Variants in ATXN7L1 observed in about 807,000 individuals in gnomAD.
The protein encoded by ATXN7L1 is ataxin-7-like protein 1.
A neutral mutation model predicts 70.8 loss-of-function variants in ATXN7L1; 15 were observed. The ratio of observed to expected loss-of-function variants is 0.21; its 90% CI spans 0.14 to 0.33. The LOEUF (loss-of-function observed/expected upper bound fraction) is 0.33. Ranked by LOEUF, ATXN7L1 falls within the 10% of genes least tolerant of loss-of-function variation. The probability of loss-of-function intolerance (pLI) is 1.00; values close to 1 mark genes in which losing one functional copy is unlikely to be tolerated. For synonymous variants in ATXN7L1, 440 were observed against 445.1 expected (o/e 0.99, Z 0.14); for missense variants, 975 against 1,097.1 (o/e 0.89, Z 1.57).
intron 3 of ATXN7L1, among the ~76,000 whole-genome samples, chr7:105,767,154 G>T (rs1801379766): frequency 6.6e-6 from 1 of 152,144 alleles, no homozygotes; most frequent in Non-Finnish European, 1.5e-5. Context: ...ATCAGTAAAT[G>T]ACCCTAGAAA....
intron 2 of ATXN7L1, among the ~76,000 whole-genome samples, chr7:105,803,701 G>A (rs944668745): frequency 6.6e-6 from 1 of 152,212 alleles, no homozygotes; most frequent in Non-Finnish European, 1.5e-5. Flanking sequence ...GCAAGAATCT[G>A]CATTTTGGAA....
chr7:105,687,692 T>C (rs1251288337), intron 3 of ATXN7L1, among the ~76,000 whole-genome samples: 1 of 152,146 alleles, frequency 6.6e-6, no homozygotes, highest in South Asian at 2.1e-4. Flanking sequence ...CTAAAAACCA[T>C]GCAAGTTCAC....
chr7:105,863,914 TAC>T (rs35632276), intron 2 of ATXN7L1, among the ~76,000 whole-genome samples: 61,081 of 151,650 alleles, frequency 0.4, 12,890 homozygotes, highest in Non-Finnish European at 0.45. Context: ...GCCCAAAAGG[TAC>T]CAGAAAAATA....
intron 2 of ATXN7L1, chr7:105,875,344 T>G (rs1381019831): frequency 6.3e-6 from 1 of 159,434 alleles, no homozygotes; most frequent in Non-Finnish European, 1.4e-5. Context: ...AAATGTAACT[T>G]GCTGCAAAGG....
intron 3 of ATXN7L1, among the ~76,000 whole-genome samples, chr7:105,774,796 T>C (rs1197929120): frequency 6.6e-6 from 1 of 152,096 alleles, no homozygotes; most frequent in African/African-American, 2.4e-5. Flanking sequence ...CAGCCACTTA[T>C]AAAGATGAGC....
At chr7:105,687,159 C>A (rs184245327) in intron 3 of ATXN7L1, among the ~76,000 whole-genome samples, 2 of 152,266 alleles carry the variant, frequency 1.3e-5, no homozygotes, top group African/African-American at 4.8e-5. Flanking sequence ...TGACTATGCA[C>A]CCACACAGAG....
chr7:105,840,203 G>A (rs543676989), intron 2 of ATXN7L1, among the ~76,000 whole-genome samples: 5 of 152,222 alleles, frequency 3.3e-5, no homozygotes, highest in African/African-American at 1.2e-4. Context: ...ATGAGTGTAG[G>A]AGCAGAGTGA....
At chr7:105,640,910 A>G (rs1798078501) in intron 5 of ATXN7L1, among the ~76,000 whole-genome samples, 1 of 152,234 alleles carries the variant, frequency 6.6e-6, no homozygotes, top group African/African-American at 2.4e-5. Flanking sequence ...GGGTGTACAG[A>G]AATTGGTGGT....
intron 3 of ATXN7L1, among the ~76,000 whole-genome samples, chr7:105,742,319 C>T (rs116920527): frequency 1.3e-5 from 2 of 152,328 alleles, no homozygotes; most frequent in East Asian, 1.9e-4. Flanking sequence ...AATATGCCTG[C>T]ATCGGAGCAA....
intron 3 of ATXN7L1, among the ~76,000 whole-genome samples, chr7:105,776,375 G>A (rs1802722792): frequency 6.6e-6 from 1 of 152,004 alleles, no homozygotes; most frequent in Non-Finnish European, 1.5e-5. Context: ...GATTGTACTT[G>A]CTTACATGTG....
chr7:105,685,202 C>T (rs1290316284), intron 3 of ATXN7L1, among the ~76,000 whole-genome samples: 3 of 152,162 alleles, frequency 2.0e-5, no homozygotes, highest in African/African-American at 4.8e-5. Flanking sequence ...GTCCAAATCC[C>T]GGCTCTCCTT....
At chr7:105,641,962 T>G (rs1798322764) in intron 5 of ATXN7L1, among the ~76,000 whole-genome samples, 1 of 152,204 alleles carries the variant, frequency 6.6e-6, no homozygotes, top group Non-Finnish European at 1.5e-5. Context: ...AAAATCAAGC[T>G]TAACCCGAGG....
intron 2 of ATXN7L1, among the ~76,000 whole-genome samples, chr7:105,812,293 T>C (rs972034573): frequency 6.6e-6 from 1 of 152,182 alleles, no homozygotes; most frequent in Non-Finnish European, 1.5e-5. Flanking sequence ...AACACTAAGT[T>C]TGGAGTCAAC....
Position 105,845,356 on chromosome 7 carries a change from C to T in ATXN7L1, c.250+30456G>A, listed in dbSNP as rs554303805. Among the ~76,000 whole-genome samples, 9 of 151,722 alleles carry T rather than the reference C, an allele frequency of 5.9e-5. No individual in the cohort carries two copies. In the South Asian group the frequency reaches 8.3e-4, roughly 14 times the overall value. On this transcript the variant is annotated intron_variant, in intron 2 of 11. Transcript: ENST00000419735. ...TAAGTTTAGCCAAAGAGATGTAAGA[C>T]TTGTACATGGAAACTATAAATACAG...
intron 3 of ATXN7L1, among the ~76,000 whole-genome samples, chr7:105,734,880 A>C (rs1229791773): frequency 6.6e-6 from 1 of 152,134 alleles, no homozygotes; most frequent in Non-Finnish European, 1.5e-5. Flanking sequence ...GCAAAGAGAG[A>C]ATACCTATTA....
At chr7:105,631,206 T>C (rs576983380) in intron 7 of ATXN7L1, among the ~76,000 whole-genome samples, 42 of 152,250 alleles carry the variant, frequency 2.8e-4, no homozygotes, top group African/African-American at 9.9e-4. Flanking sequence ...GATACAAGCA[T>C]ATGAGATTTT....
At chr7:105,796,285 C>A (rs1805976532) in intron 2 of ATXN7L1, among the ~76,000 whole-genome samples, 1 of 152,184 alleles carries the variant, frequency 6.6e-6, no homozygotes, top group Non-Finnish European at 1.5e-5. Context: ...ATAGCTTGAA[C>A]CGTGAGGCGG....
intron 2 of ATXN7L1, among the ~76,000 whole-genome samples, chr7:105,835,134 AT>A (rs1812172313): frequency 7.6e-6 from 1 of 132,430 alleles, no homozygotes; most frequent in African/African-American, 2.9e-5. Context: ...TTTTTTAATA[AT>A]TTATAAGTGT....
intron 3 of ATXN7L1, among the ~76,000 whole-genome samples, chr7:105,713,964 C>T (rs66793617): frequency 0.056 from 8,492 of 152,288 alleles, 283 homozygotes; most frequent in Admixed American, 0.073. Flanking sequence ...CTTCTGACTG[C>T]AAGGCCAGAG....
Sources: allele counts gnomAD v4.1 joint callset (sites outside exome capture counted in the v4.1 genomes callset), GRCh38; gene constraint gnomAD v4.1.1; transcripts MANE v1.5; gene names NCBI Gene and HGNC (gene_info 2026-07-23, HGNC 2026-07-21).